MARK3: variants seen among roughly 807,000 people sequenced by gnomAD.
MARK3 encodes MAP/microtubule affinity-regulating kinase 3.
A neutral mutation model predicts 90.1 loss-of-function variants in MARK3; 46 were observed. The observed-to-expected ratio is 0.51, with a 90% CI of 0.40 to 0.65. The LOEUF (loss-of-function observed/expected upper bound fraction) is 0.65. Ranked by LOEUF, MARK3 falls within the 30% of genes least tolerant of loss-of-function variation. MARK3 has a pLI of 0.00. For synonymous variants in MARK3, 321 were observed against 332.6 expected (o/e 0.97, Z 0.38); for missense variants, 818 against 947.2 (o/e 0.86, Z 1.79).
At chr14:103,493,176 C>T (rs1566939796) in intron 15 of MARK3, among the ~76,000 whole-genome samples, 1 of 148,146 alleles carries the variant, frequency 6.8e-6, no homozygotes, top group Non-Finnish European at 1.5e-5. Flanking sequence ...TCTGAAACTT[C>T]GGTGAGTCAC....
chr14:103,395,712 A>G (rs931358521), intron 1 of MARK3, among the ~76,000 whole-genome samples: 4 of 152,156 alleles, frequency 2.6e-5, no homozygotes, highest in Non-Finnish European at 5.9e-5. Flanking sequence ...CTGTTCTCAT[A>G]CTTGATTGAT....
At chr14:103,436,693 G>A (rs756693986) in intron 3 of MARK3, among the ~76,000 whole-genome samples, 2 of 152,158 alleles carry the variant, frequency 1.3e-5, no homozygotes, top group Admixed American at 1.3e-4. Context: ...GCTCACTGTA[G>A]CCTGGAACTT....
chr14:103,462,149 A>G (rs963297790), intron 6 of MARK3, among the ~76,000 whole-genome samples: 2 of 152,148 alleles, frequency 1.3e-5, no homozygotes, highest in Non-Finnish European at 1.5e-5. Flanking sequence ...TGGAATGTCA[A>G]CGGATAGGGT....
chr14:103,416,157 T>G (rs1483872178), intron 2 of MARK3, among the ~76,000 whole-genome samples: 1 of 152,234 alleles, frequency 6.6e-6, no homozygotes, highest in African/African-American at 2.4e-5. Flanking sequence ...TTGGCCAAAA[T>G]GTTCTAGCTT....
chr14:103,501,607 C>T (rs576104848), intron 17 of MARK3, among the ~76,000 whole-genome samples: 1 of 152,230 alleles, frequency 6.6e-6, no homozygotes, highest in Admixed American at 6.5e-5. Flanking sequence ...TAGCTCTCCT[C>T]AGATGCAGGC....
chr14:103,477,999 T>TAAAA (rs57130429), intron 13 of MARK3, among the ~76,000 whole-genome samples: 3,663 of 141,402 alleles, frequency 0.026, 164 homozygotes, highest in African/African-American at 0.078. Flanking sequence ...ACCCTGTCCT[T>TAAAA]AAAAAAAAAA....
chr14:103,394,027 C>T (rs1021074492), intron 1 of MARK3, among the ~76,000 whole-genome samples: 106 of 152,340 alleles, frequency 7.0e-4, no homozygotes, highest in Non-Finnish European at 5.6e-4. Flanking sequence ...AGCCACTGCG[C>T]TCGGCCTGCA....
chr14:103,495,943 G>A (rs889849704), intron 15 of MARK3, among the ~76,000 whole-genome samples: 2 of 152,236 alleles, frequency 1.3e-5, no homozygotes, highest in Non-Finnish European at 2.9e-5. Flanking sequence ...ACCTGGTGTG[G>A]CCAGGTCTGG....
intron 4 of MARK3, among the ~76,000 whole-genome samples, chr14:103,451,702 A>G (rs142687404): frequency 5.3e-5 from 8 of 152,354 alleles, no homozygotes; most frequent in Middle Eastern, 3.4e-3. Flanking sequence ...CACACTGAAC[A>G]TTCAGAAATT....
chr14:103,470,902 C>T (rs2141675801), intron 12 of MARK3, among the ~76,000 whole-genome samples: 1 of 152,290 alleles, frequency 6.6e-6, no homozygotes, highest in East Asian at 1.9e-4. Flanking sequence ...TTCCATTTCT[C>T]TTCCTTCTGT....
intron 6 of MARK3, among the ~76,000 whole-genome samples, chr14:103,459,665 A>G (rs2141461172): frequency 7.5e-6 from 1 of 133,570 alleles, no homozygotes; most frequent in Non-Finnish European, 1.6e-5. Flanking sequence ...ACGCCCAGCT[A>G]ATTTTTTATT....
At chr14:103,432,903 AT>A (rs1774332547) in intron 3 of MARK3, among the ~76,000 whole-genome samples, 1 of 152,066 alleles carries the variant, frequency 6.6e-6, no homozygotes, top group African/African-American at 2.4e-5. Context: ...TCCTTTCAGA[AT>A]TCCTTTTTTT....
chr14:103,478,194 C>A (rs1236647274), intron 13 of MARK3, among the ~76,000 whole-genome samples: 1 of 151,020 alleles, frequency 6.6e-6, no homozygotes, highest in African/African-American at 2.4e-5. Context: ...ACTCGGGAGG[C>A]TAAGGCAGGA....
intron 14 of MARK3, chr14:103,490,936 C>A: frequency 7.9e-7 from 1 of 1,263,316 alleles, no homozygotes; most frequent in South Asian, 1.3e-5. Context: ...TCTGCCTGAA[C>A]CCAAACCCCT....
intron 3 of MARK3, among the ~76,000 whole-genome samples, chr14:103,436,956 G>A (rs1332474027): frequency 6.6e-6 from 1 of 152,134 alleles, no homozygotes; most frequent in African/African-American, 2.4e-5. Context: ...AGCCAGGTGT[G>A]GTGGCGCATG....
At chr14:103,443,600 G>A (rs1320444462) in intron 3 of MARK3, among the ~76,000 whole-genome samples, 3 of 152,118 alleles carry the variant, frequency 2.0e-5, no homozygotes, top group African/African-American at 4.8e-5. Flanking sequence ...GATACCCAGC[G>A]GTCACAGTGG....
chr14:103,461,732 A>G (rs1016496671), intron 6 of MARK3, among the ~76,000 whole-genome samples: 8 of 152,054 alleles, frequency 5.3e-5, no homozygotes, highest in South Asian at 2.1e-4. Context: ...AGTTGACTCT[A>G]TGGGTATGGA....
chr14:103,399,134 A>T (rs914186676), intron 1 of MARK3, among the ~76,000 whole-genome samples: 5 of 152,182 alleles, frequency 3.3e-5, no homozygotes, highest in East Asian at 1.9e-4. Flanking sequence ...TGTTAAAAAA[A>T]TTTTTTACGG....
chr14:103,490,406 C>G (rs543585870), intron 14 of MARK3: 5 of 151,686 alleles, frequency 3.3e-5, no homozygotes, highest in Admixed American at 6.6e-5. Flanking sequence ...CAGTGCGGGC[C>G]GGGTGTGGTG....
Sources: gnomAD v4.1 joint callset for allele counts (sites outside exome capture counted in the v4.1 genomes callset) on GRCh38, gnomAD v4.1.1 for gene constraint, MANE v1.5 for transcripts, NCBI Gene and HGNC (gene_info 2026-07-23, HGNC 2026-07-21) for gene names.